Variants in ZNF407 observed in about 807,000 individuals in gnomAD.
The protein encoded by ZNF407 is zinc finger protein 407.
Under a neutral mutation model 131.2 loss-of-function variants are expected in ZNF407, and 17 were observed. That is an observed-to-expected ratio of 0.13 (90% CI 0.09 to 0.19). The LOEUF (loss-of-function observed/expected upper bound fraction) is 0.19, where lower values mean the gene tolerates loss of function less well. Among genes scored for constraint, ZNF407 ranks in the 10% least tolerant of loss-of-function variants. ZNF407 has a pLI of 1.00. For synonymous variants in ZNF407, 1,156 were observed against 1,062.0 expected, an observed-to-expected ratio of 1.09 and a Z score of -1.72; for missense variants, 2,681 against 2,830.6, an observed-to-expected ratio of 0.95 and a Z score of 1.20.
intron 1 of ZNF407, among the ~76,000 whole-genome samples, chr18:74,616,835 C>A (rs1983312280): frequency 1.9e-5 from 2 of 105,972 alleles, no homozygotes; most frequent in Non-Finnish European, 4.1e-5. Context: ...TCCATATCCA[C>A]GCACCACACG....
At chr18:74,732,513 G>A (rs1599107810) in intron 3 of ZNF407, among the ~76,000 whole-genome samples, 1 of 152,262 alleles carries the variant, frequency 6.6e-6, no homozygotes, top group Non-Finnish European at 1.5e-5. Context: ...TGTCTCACCA[G>A]AAAAGTGAGT....
At chr18:75,037,142 G>A (rs771768706) in intron 8 of ZNF407, among the ~76,000 whole-genome samples, 1 of 152,190 alleles carries the variant, frequency 6.6e-6, no homozygotes, top group Non-Finnish European at 1.5e-5. Flanking sequence ...TTAGAGCAAA[G>A]CCTCCCACTA....
chr18:74,777,730 ACT>A (rs755262242), intron 3 of ZNF407, among the ~76,000 whole-genome samples: 41 of 86,422 alleles, frequency 4.7e-4, no homozygotes, highest in South Asian at 2.0e-3. Flanking sequence ...GATCGATCGC[ACT>A]CTCTCTCTCT....
chr18:74,724,748 A>G (rs2896769), intron 3 of ZNF407, among the ~76,000 whole-genome samples: 102,278 of 152,080 alleles, frequency 0.67, 35,810 homozygotes, highest in East Asian at 0.86. Context: ...AATGCTTTCC[A>G]TGTTGGTTGT....
At chr18:74,993,481 G>A (rs1349984171) in intron 8 of ZNF407, among the ~76,000 whole-genome samples, 2 of 152,192 alleles carry the variant, frequency 1.3e-5, no homozygotes, top group African/African-American at 4.8e-5. Context: ...TTTTCCTGGG[G>A]CTGGGACAGG....
intron 4 of ZNF407, among the ~76,000 whole-genome samples, chr18:74,848,231 T>G (rs1970729405): frequency 6.6e-6 from 1 of 152,196 alleles, no homozygotes; most frequent in South Asian, 2.1e-4. Context: ...TGAGAAGAAC[T>G]GAGCAGTTGC....
intron 8 of ZNF407, among the ~76,000 whole-genome samples, chr18:74,940,839 GCTA>G (rs751812532): frequency 6.6e-6 from 1 of 152,156 alleles, no homozygotes; most frequent in Non-Finnish European, 1.5e-5. Flanking sequence ...CCCAGGTCAC[GCTA>G]CGGAACCCTG....
chr18:74,919,703 G>A (rs989715706), intron 7 of ZNF407, among the ~76,000 whole-genome samples: 2 of 152,136 alleles, frequency 1.3e-5, no homozygotes, highest in Non-Finnish European at 2.9e-5. Context: ...AAACAGCTCC[G>A]CGTGTGTATT....
At position 74,637,443 on chromosome 18, in the gene ZNF407, C is replaced by T. The variant is rs148464989; in HGVS notation, c.4687+1737C>T. 2.5e-4 allele frequency among the ~76,000 whole-genome samples: 38 copies of T among 151,712 alleles called. No individual in the cohort carries two copies. The East Asian group carries it at 7.1e-3, about 29-fold the overall frequency. On this transcript the variant is annotated intron_variant, in intron 2 of 8. Coordinates refer to ENST00000299687, the MANE Select transcript of ZNF407 (RefSeq NM_017757.3). ...TAACTATCAATATGTGACAAAGTAA[C>T]CCTACTTATATAAGTTACATCATTG...
chr18:74,823,750 C>T (rs1044856180), intron 4 of ZNF407, among the ~76,000 whole-genome samples: 7 of 152,162 alleles, frequency 4.6e-5, no homozygotes, highest in African/African-American at 1.7e-4. Context: ...TAGACTCCCA[C>T]ACAATAATAG....
At chr18:74,833,660 C>G (rs549207617) in intron 4 of ZNF407, among the ~76,000 whole-genome samples, 1 of 152,164 alleles carries the variant, frequency 6.6e-6, no homozygotes, top group African/African-American at 2.4e-5. Context: ...GCCCTTGGCA[C>G]GGGACTTAAG....
At chr18:74,880,951 G>T in intron 5 of ZNF407, 85 bp from the exon 6 acceptor site, 1 of 1,113,590 alleles carries the variant, frequency 9.0e-7, no homozygotes, top group South Asian at 1.3e-5. Context: ...TTGATTGGAG[G>T]AATTAGTAAC....
chr18:74,671,478 A>G (rs1313735749), intron 3 of ZNF407, among the ~76,000 whole-genome samples: 2 of 152,036 alleles, frequency 1.3e-5, no homozygotes, highest in Admixed American at 1.3e-4. Flanking sequence ...AGTACCCAAC[A>G]GTAGTATTTT....
chr18:74,629,772 G>A (rs1037772507), intron 1 of ZNF407, among the ~76,000 whole-genome samples: 7 of 152,308 alleles, frequency 4.6e-5, no homozygotes, highest in Admixed American at 1.3e-4. Context: ...GTGGAATCAA[G>A]TGGCATTTGG....
At chr18:74,782,431 C>T (rs1969620851) in intron 4 of ZNF407, among the ~76,000 whole-genome samples, 1 of 152,124 alleles carries the variant, frequency 6.6e-6, no homozygotes, top group African/African-American at 2.4e-5. Context: ...ACTTTTCTGT[C>T]AGGCATATTG....
intron 2 of ZNF407, among the ~76,000 whole-genome samples, chr18:74,640,245 T>C (rs1984648465): frequency 6.6e-6 from 1 of 152,148 alleles, no homozygotes; most frequent in South Asian, 2.1e-4. Flanking sequence ...GTGTAGACTT[T>C]GAAATAATCT....
chr18:74,784,090 G>T (rs373062900), intron 4 of ZNF407, among the ~76,000 whole-genome samples: 3 of 152,160 alleles, frequency 2.0e-5, no homozygotes, highest in African/African-American at 7.2e-5. Flanking sequence ...CAAACCCTTC[G>T]TCAGTATGCT....
intron 4 of ZNF407, among the ~76,000 whole-genome samples, chr18:74,811,178 G>GA (rs1284446009): frequency 1.4e-5 from 2 of 145,624 alleles, no homozygotes; most frequent in Admixed American, 1.4e-4. Context: ...AAATTTACAA[G>GA]AAAAAAACAA....
At chr18:75,039,294 T>C (rs2122237275) in intron 8 of ZNF407, among the ~76,000 whole-genome samples, 1 of 152,356 alleles carries the variant, frequency 6.6e-6, no homozygotes, top group Admixed American at 6.5e-5. Flanking sequence ...ATTTTCTCAG[T>C]CTTAGGTTTA....
Sources: gnomAD v4.1 joint callset for allele counts (sites outside exome capture counted in the v4.1 genomes callset) on GRCh38, gnomAD v4.1.1 for gene constraint, MANE v1.5 for transcripts, NCBI Gene and HGNC (gene_info 2026-07-23, HGNC 2026-07-21) for gene names.